Variants in UGT3A2 observed in about 807,000 individuals in gnomAD.
UGT3A2 encodes UDP glycosyltransferase family 3 member A2, also known as UDP-glycosyltransferase 3A2.
Under a neutral mutation model 39.8 loss-of-function variants are expected in UGT3A2, and 32 were observed. The ratio of observed to expected loss-of-function variants is 0.80; its 90% CI spans 0.61 to 1.08. The LOEUF (loss-of-function observed/expected upper bound fraction) is 1.08. UGT3A2 is among the 50% of genes least tolerant of loss of function. The pLI is 0.00. For missense variants in UGT3A2, 611 were observed against 637.1 expected (o/e 0.96, Z 0.44); for synonymous variants, 241 against 230.7 (o/e 1.04, Z -0.40).
rs370464634 is a variant in UGT3A2, at chr5:36,049,301, A to G, written c.431T>C (p.Val144Ala). 5.0e-6 allele frequency: 8 copies of G among 1,614,064 alleles called. No homozygotes were observed. In the African/African-American group the frequency reaches 1.1e-4, roughly 22 times the overall value. ...LKNENFDMVI[V>A]ETFDYCPFLI... The stretch of plus-strand genomic sequence containing the variant: ...GAAAGGACAGTAGTCAAAAGTTTCA[A>G]CTATCACCATGTCGAAGTTCTCATT... The change falls in exon 4 of 7, where the codon GTT becomes GCT. Residue 144 changes from valine (V) to alanine (A), a missense_variant. Transcript: ENST00000282507.
Position 36,037,988 on chromosome 5 carries a change from G to C in UGT3A2, c.1104C>G (p.Thr368=). ...LAHPSIRLFV[T]HGGQNSIMEA... is the part of the protein sequence containing the mutation. ...CCATTATGCTATTCTGCCCGCCGTG[G>C]GTGACAAACAGACGGATGCTTGGGT... Residue 368 remains threonine, a synonymous_variant, in exon 6 of 7, where the codon ACC becomes ACG. Transcript: ENST00000282507. 1.2e-6 allele frequency: 2 copies of C among 1,608,800 alleles called. No homozygotes were observed. Among genetic ancestry groups the C allele is most frequent in the Non-Finnish European group, 8.5e-7 (1 of 1,178,474 alleles).
intron 5 of UGT3A2, among the ~76,000 whole-genome samples, chr5:36,038,460 T>C (rs756467884): frequency 6.6e-6 from 1 of 152,226 alleles, no homozygotes. Flanking sequence ...TCCTGACATA[T>C]TTGTTGACAT....
At chr5:36,064,222 G>A in intron 2 of UGT3A2, 27 bp downstream of exon 2, 4 of 1,601,390 alleles carry the variant, frequency 2.5e-6, no homozygotes, top group Non-Finnish European at 3.4e-6. Flanking sequence ...TGGAGTAGGA[G>A]AAATCAAGAA....
At chr5:36,042,277 G>T (rs533171039) in intron 4 of UGT3A2, among the ~76,000 whole-genome samples, 3 of 152,092 alleles carry the variant, frequency 2.0e-5, no homozygotes, top group Non-Finnish European at 2.9e-5. Flanking sequence ...TTGCTTAATT[G>T]TTTGTTTCTT....
At chr5:36,057,034 T>C (rs796660044) in intron 2 of UGT3A2, among the ~76,000 whole-genome samples, 4 of 152,390 alleles carry the variant, frequency 2.6e-5, no homozygotes, top group African/African-American at 9.6e-5. Context: ...TTCTCTCTCA[T>C]GCTCGTGAAT....
At chr5:36,064,795 C>G (rs1034848381) in intron 1 of UGT3A2, among the ~76,000 whole-genome samples, 1 of 152,164 alleles carries the variant, frequency 6.6e-6, no homozygotes, top group Non-Finnish European at 1.5e-5. Flanking sequence ...GGATCCTGCT[C>G]TTTGGACATT....
chr5:36,066,648 G>A (rs778797943), intron 1 of UGT3A2, 48 bp downstream of exon 1: 27 of 1,611,918 alleles, frequency 1.7e-5, no homozygotes, highest in South Asian at 1.3e-4. Flanking sequence ...CTGGCAGTGC[G>A]AGTATCCGGG....
chr5:36,066,691 C>T lies in UGT3A2; in HGVS notation c.94+5G>A. ...TGTCTGGGAATTCTCCGGCCAAGCA[C>T]TCACCTACTGTAGATATTGTCAGGA... On this transcript the variant is annotated splice_donor_5th_base_variant and intron_variant, in intron 1 of 6. Coordinates refer to ENST00000282507, the MANE Select transcript of UGT3A2 (RefSeq NM_174914.4). 6.2e-7 allele frequency: 1 copy of T among 1,614,132 alleles called. No homozygotes were observed. The highest frequency in any genetic ancestry group is 8.5e-7 in the Non-Finnish European group (1 of 1,179,996).
chr5:36,035,887 G>T lies in UGT3A2; in HGVS notation c.1383C>A (p.His461Gln), dbSNP rs774998784. The change falls in exon 7 of 7, where the codon CAC becomes CAA. Residue 461 changes from histidine to glutamine, a missense_variant. By Grantham distance (24) the His-to-Gln change is conservative. Transcript: ENST00000282507. Reference protein sequence around the residue: ...PTQRLVGWIDHVLQTGGATHL... With the variant: ...PTQRLVGWIDQVLQTGGATHL... ...GCGTCGCGCCCCCTGTCTGGAGGAC[G>T]TGGTCAATCCAGCCCACCAGCCGCT... 1.2e-6 allele frequency: 2 copies of T among 1,614,166 alleles called. No homozygotes were observed. The highest frequency in any genetic ancestry group is 4.5e-5 in the East Asian group (2 of 44,876).
At chr5:36,036,634 T>C (rs150750333) in intron 6 of UGT3A2, among the ~76,000 whole-genome samples, 107 of 152,294 alleles carry the variant, frequency 7.0e-4, no homozygotes, top group African/African-American at 2.5e-3. Context: ...TACAAACACA[T>C]TTTTCAGAAA....
chr5:36,051,930 T>A lies in UGT3A2; in HGVS notation c.251A>T (p.Asp84Val), dbSNP rs952519224. 1 of 1,593,302 alleles carries A rather than the reference T, an allele frequency of 6.3e-7. No individual in the cohort carries two copies. The highest frequency in any genetic ancestry group is 8.5e-7 in the Non-Finnish European group (1 of 1,174,658). ...YQVISWLAPE[D>V]HQREFKKSFD... The stretch of plus-strand genomic sequence containing the variant: ...ACTCTTTTTAAATTCTCTTTGATGA[T>A]CTTCAGGTGCAAGCCAACTGATAAC... The change falls in exon 3 of 7, where the codon GAT (aspartate) becomes GTT (valine). Residue 84 changes from aspartate (D) to valine (V), a missense_variant. Physicochemically the swap from Asp to Val is radical, Grantham distance 152. Coordinates refer to ENST00000282507, the MANE Select transcript of UGT3A2 (RefSeq NM_174914.4).
intron 2 of UGT3A2, among the ~76,000 whole-genome samples, chr5:36,059,984 A>G (rs1742636579): frequency 6.6e-6 from 1 of 152,214 alleles, no homozygotes; most frequent in African/African-American, 2.4e-5. Flanking sequence ...ACAAGCCATG[A>G]GCCAGTTGAA....
At chr5:36,047,734 C>G (rs1450372794) in intron 4 of UGT3A2, among the ~76,000 whole-genome samples, 1 of 152,202 alleles carries the variant, frequency 6.6e-6, no homozygotes, top group Admixed American at 6.5e-5. Flanking sequence ...ATGTCCTCCC[C>G]TTACTCCATG....
chr5:36,041,529 T>A (rs1283976099), intron 4 of UGT3A2, among the ~76,000 whole-genome samples: 5 of 152,102 alleles, frequency 3.3e-5, no homozygotes, highest in Non-Finnish European at 1.5e-5. Flanking sequence ...CCAGGCAGCT[T>A]AGCACAGGGA....
chr5:36,066,704 G>A lies in UGT3A2; in HGVS notation c.86C>T (p.Ser29Phe), dbSNP rs2111789412. 6.2e-7 allele frequency: 1 copy of A among 1,614,182 alleles called. No individual in the cohort carries two copies. The highest frequency in any genetic ancestry group is 8.5e-7 in the Non-Finnish European group (1 of 1,180,024). Residue 29 changes from serine (S) to phenylalanine (F), a missense_variant, in exon 1 of 7, where the codon TCT becomes TTT. Transcript: ENST00000282507. Reference sequence around the variant, plus strand: ...TCCGGCCAAGCACTCACCTACTGTAGATATTGTCAGGATTTTGGCAGCCTC... The same window carrying A: ...TCCGGCCAAGCACTCACCTACTGTAAATATTGTCAGGATTTTGGCAGCCTC... Reference protein sequence around the residue: ...LSEAAKILTISTVGGSHYLLM... With the variant: ...LSEAAKILTIFTVGGSHYLLM...
intron 4 of UGT3A2, among the ~76,000 whole-genome samples, chr5:36,047,512 G>T (rs189934928): frequency 6.6e-6 from 1 of 152,192 alleles, no homozygotes; most frequent in Non-Finnish European, 1.5e-5. Flanking sequence ...ATTCTATTAC[G>T]TGGTTCAGAC....
intron 2 of UGT3A2, among the ~76,000 whole-genome samples, chr5:36,064,021 G>C (rs1472969056): frequency 6.6e-6 from 1 of 152,116 alleles, no homozygotes; most frequent in African/African-American, 2.4e-5. Flanking sequence ...GCTTGGGATG[G>C]AGTAGAAGTC....
At chr5:36,055,158 G>A (rs1409246618) in intron 2 of UGT3A2, among the ~76,000 whole-genome samples, 1 of 151,888 alleles carries the variant, frequency 6.6e-6, no homozygotes, top group Non-Finnish European at 1.5e-5. Context: ...AAATTTGGGG[G>A]GGTACCTTGT....
intron 3 of UGT3A2, among the ~76,000 whole-genome samples, chr5:36,050,397 G>A (rs1406171733): frequency 6.6e-6 from 1 of 152,154 alleles, no homozygotes; most frequent in East Asian, 1.9e-4. Flanking sequence ...GAAACATACT[G>A]GCTGCAAGGA....
Sources: gnomAD v4.1 joint callset for allele counts (sites outside exome capture counted in the v4.1 genomes callset) on GRCh38, gnomAD v4.1.1 for gene constraint, MANE v1.5 for transcripts, NCBI Gene and HGNC (gene_info 2026-07-23, HGNC 2026-07-21) for gene names.